SLC35D4: variants seen among roughly 807,000 people sequenced by gnomAD.
The protein encoded by SLC35D4 is solute carrier family 35 member D4.
chr18:23,330,246 T>C, the SLC35D4 span, among the ~76,000 whole-genome samples: 3 of 152,132 alleles, frequency 2.0e-5, no homozygotes, highest in Admixed American at 6.6e-5. Context: ...ATCCCATTTC[T>C]GTAAAAACAG....
At chr18:23,277,887 T>C in the SLC35D4 span, among the ~76,000 whole-genome samples, 1 of 152,134 alleles carries the variant, frequency 6.6e-6, no homozygotes, top group South Asian at 2.1e-4. Context: ...GGAGTCTGTC[T>C]AAAGTTGGAT....
chr18:23,426,001 A>G, the SLC35D4 span, among the ~76,000 whole-genome samples: 3 of 152,214 alleles, frequency 2.0e-5, no homozygotes, highest in South Asian at 4.1e-4. Flanking sequence ...ATAAGGCAAA[A>G]GGAAGGATTA....
the SLC35D4 span, chr18:23,385,070 G>A: frequency 0.32 from 515,999 of 1,606,108 alleles, 86,237 homozygotes; most frequent in Middle Eastern, 0.37. Flanking sequence ...GGAATGGCCT[G>A]AAAGAAAACA....
chr18:23,344,684 C>T, the SLC35D4 span, among the ~76,000 whole-genome samples: 2 of 150,196 alleles, frequency 1.3e-5, no homozygotes, highest in Non-Finnish European at 2.9e-5. Flanking sequence ...TCACTGCAAG[C>T]TCTGCCTCCT....
chr18:23,261,665 A>T, the SLC35D4 span, among the ~76,000 whole-genome samples: 1 of 152,100 alleles, frequency 6.6e-6, no homozygotes, highest in African/African-American at 2.4e-5. Flanking sequence ...TCACAGCTTA[A>T]CCTTTCCTAC....
At chr18:23,276,853 C>T in the SLC35D4 span, among the ~76,000 whole-genome samples, 2 of 152,200 alleles carry the variant, frequency 1.3e-5, no homozygotes, top group African/African-American at 4.8e-5. Flanking sequence ...CTCACTCATG[C>T]TACAGGAGCC....
the SLC35D4 span, among the ~76,000 whole-genome samples, chr18:23,373,443 G>T: frequency 6.6e-6 from 1 of 152,196 alleles, no homozygotes; most frequent in African/African-American, 2.4e-5. Context: ...GGTTCACCAG[G>T]CATGTACAGA....
chr18:23,411,430 AAGAC>A, the SLC35D4 span, among the ~76,000 whole-genome samples: 556 of 151,180 alleles, frequency 3.7e-3, 3 homozygotes, highest in Non-Finnish European at 6.0e-3. Context: ...AGAAGAAAGA[AAGAC>A]AGACAGAAAA....
At chr18:23,300,029 C>G in the SLC35D4 span, among the ~76,000 whole-genome samples, 1 of 152,144 alleles carries the variant, frequency 6.6e-6, no homozygotes, top group Non-Finnish European at 1.5e-5. Flanking sequence ...TCAGCACTGT[C>G]TCCGTGAGAA....
chr18:23,389,564 G>A, the SLC35D4 span, among the ~76,000 whole-genome samples: 3 of 148,542 alleles, frequency 2.0e-5, no homozygotes, highest in Non-Finnish European at 3.0e-5. Flanking sequence ...TTTTTTTTTT[G>A]AGACGGAGTC....
chr18:23,270,905 A>G, the SLC35D4 span, among the ~76,000 whole-genome samples: 3,406 of 152,284 alleles, frequency 0.022, 119 homozygotes, highest in African/African-American at 0.077. Context: ...CTTTTGAGTT[A>G]ATGCTGAAAT....
chr18:23,254,344 T>G, the SLC35D4 span, among the ~76,000 whole-genome samples: 1 of 152,194 alleles, frequency 6.6e-6, no homozygotes, highest in Non-Finnish European at 1.5e-5. Context: ...GGGAAAGGCG[T>G]GAGTTTGACA....
the SLC35D4 span, among the ~76,000 whole-genome samples, chr18:23,397,426 C>T: frequency 5.3e-5 from 8 of 152,228 alleles, no homozygotes; most frequent in African/African-American, 1.9e-4. Context: ...TTGGGGGCAG[C>T]TGTACAACAC....
At chr18:23,362,135 A>G in the SLC35D4 span, among the ~76,000 whole-genome samples, 1 of 152,244 alleles carries the variant, frequency 6.6e-6, no homozygotes, top group African/African-American at 2.4e-5. Context: ...AAGTTTAGCA[A>G]TAACTCAAGG....
chr18:23,331,452 C>G, the SLC35D4 span: 3 of 152,278 alleles, frequency 2.0e-5, no homozygotes, highest in South Asian at 6.2e-4. Flanking sequence ...GGGCTCTGCT[C>G]GGGAAGCTGC....
At chr18:23,293,192 C>T in the SLC35D4 span, among the ~76,000 whole-genome samples, 21,423 of 152,058 alleles carry the variant, frequency 0.14, 1,903 homozygotes, top group African/African-American at 0.24. Context: ...TGCAGTGAGC[C>T]GAGATCGCGC....
chr18:23,300,620 G>C, the SLC35D4 span, among the ~76,000 whole-genome samples: 1 of 152,222 alleles, frequency 6.6e-6, no homozygotes, highest in Non-Finnish European at 1.5e-5. Context: ...AGGAGAGCCA[G>C]GGAGGTGAGC....
At chr18:23,410,737 C>T in the SLC35D4 span, among the ~76,000 whole-genome samples, 1 of 152,108 alleles carries the variant, frequency 6.6e-6, no homozygotes, top group African/African-American at 2.4e-5. Context: ...GCAGAGGCTA[C>T]AGTGGGCCAA....
At chr18:23,362,637 A>G in the SLC35D4 span, among the ~76,000 whole-genome samples, 5 of 152,210 alleles carry the variant, frequency 3.3e-5, no homozygotes, top group African/African-American at 1.2e-4. Context: ...ACAAACAAAG[A>G]AAGGCAATAA....
Sources: allele counts gnomAD v4.1 joint callset (sites outside exome capture counted in the v4.1 genomes callset), GRCh38; gene constraint gnomAD v4.1.1; transcripts MANE v1.5; gene names NCBI Gene and HGNC (gene_info 2026-07-23, HGNC 2026-07-21).